The following MYO16 variants were observed in gnomAD, a reference collection of about 807,000 sequenced individuals.
The protein encoded by MYO16 is myosin XVI.
In MYO16, 94 loss-of-function variants were observed where a neutral mutation model predicts 205.3. The ratio of observed to expected loss-of-function variants is 0.46; its 90% CI spans 0.39 to 0.54. The LOEUF (loss-of-function observed/expected upper bound fraction) is 0.54. Ranked by LOEUF, MYO16 falls within the 20% of genes least tolerant of loss-of-function variation. The pLI is 0.00. For missense variants in MYO16, 2,315 were observed against 2,387.5 expected (o/e 0.97, Z 0.63); for synonymous variants, 988 against 954.0 (o/e 1.04, Z -0.66).
chr13:108,590,543 CAG>C, the MYO16 span, among the ~76,000 whole-genome samples: 1 of 152,156 alleles, frequency 6.6e-6, no homozygotes, highest in Non-Finnish European at 1.5e-5. Flanking sequence ...TATTTGGAAA[CAG>C]GGCTTTGCAG....
At chr13:109,178,315 G>A (rs899705860) in intron 33 of MYO16, among the ~76,000 whole-genome samples, 3 of 151,974 alleles carry the variant, frequency 2.0e-5, no homozygotes, top group South Asian at 2.1e-4. Flanking sequence ...GCCATTGTCC[G>A]CCCAGTCTTC....
chr13:108,741,345 G>C (rs1219468503), intron 4 of MYO16, among the ~76,000 whole-genome samples: 2 of 152,098 alleles, frequency 1.3e-5, no homozygotes. Context: ...TCCGAATGAA[G>C]ACTAACACAT....
intron 16 of MYO16, among the ~76,000 whole-genome samples, chr13:108,926,786 A>G (rs554054203): frequency 7.2e-5 from 11 of 152,324 alleles, no homozygotes; most frequent in Admixed American, 5.2e-4. Flanking sequence ...ATAAATCATC[A>G]ACAGTGAAAG....
At chr13:108,754,398 G>A (rs1469993583) in intron 4 of MYO16, among the ~76,000 whole-genome samples, 1 of 152,166 alleles carries the variant, frequency 6.6e-6, no homozygotes, top group East Asian at 1.9e-4. Context: ...CCAGCCAATG[G>A]TAAGGAATAA....
intron 33 of MYO16, among the ~76,000 whole-genome samples, chr13:109,174,706 G>A (rs992456932): frequency 6.6e-6 from 1 of 150,602 alleles, no homozygotes; most frequent in East Asian, 2.0e-4. Context: ...AAAATTCAGT[G>A]CCATACCCCC....
rs1877418251 is a variant in MYO16 at position 108,844,502 on chromosome 13, G to A, written c.1248+9G>A. On this transcript the variant is annotated intron_variant, in intron 10 of 34. Coordinates refer to ENST00000457511, the MANE Select transcript of MYO16 (RefSeq NM_001198950.3). The stretch of plus-strand genomic sequence containing the variant: ...CCACCAAACCCGAGCAGGTAATCAT[G>A]CTTTCACTGTGTGTCTACCAGTACT... 14 of 1,596,848 alleles carry A rather than the reference G, an allele frequency of 8.8e-6. No individual in the cohort carries two copies. The South Asian group carries it at 1.2e-4, about 14-fold the overall frequency.
intron 20 of MYO16, among the ~76,000 whole-genome samples, chr13:108,967,161 G>GTA (rs1303003312): frequency 6.6e-6 from 1 of 150,740 alleles, no homozygotes; most frequent in Non-Finnish European, 1.5e-5. Flanking sequence ...ATATATGTGT[G>GTA]TGTGTGTGTG....
intron 4 of MYO16, among the ~76,000 whole-genome samples, chr13:108,760,473 G>GTT (rs34136071): frequency 6.7e-6 from 1 of 148,374 alleles, no homozygotes; most frequent in African/African-American, 2.5e-5. Flanking sequence ...ATAACTTAGG[G>GTT]TTTTTTTTTT....
chr13:108,883,717 C>A (rs1879725977), intron 13 of MYO16, among the ~76,000 whole-genome samples: 1 of 151,912 alleles, frequency 6.6e-6, no homozygotes, highest in African/African-American at 2.4e-5. Context: ...TCACTGCAGC[C>A]AAGGCTCAAG....
the MYO16 span, among the ~76,000 whole-genome samples, chr13:108,561,193 G>T: frequency 6.6e-6 from 1 of 152,202 alleles, no homozygotes; most frequent in East Asian, 1.9e-4. Context: ...AAAATACATT[G>T]ATCAGGTATA....
At chr13:108,979,836 T>C (rs1328337966) in intron 20 of MYO16, among the ~76,000 whole-genome samples, 1 of 152,144 alleles carries the variant, frequency 6.6e-6, no homozygotes, top group Non-Finnish European at 1.5e-5. Context: ...CAAAGTATCA[T>C]ACAGATTATA....
At chr13:108,562,661 G>C in the MYO16 span, among the ~76,000 whole-genome samples, 1 of 152,122 alleles carries the variant, frequency 6.6e-6, no homozygotes, top group African/African-American at 2.4e-5. Context: ...GGTCAACAAT[G>C]GTGGTCCCAT....
At chr13:108,863,416 A>T (rs1439798336) in intron 11 of MYO16, among the ~76,000 whole-genome samples, 1 of 152,096 alleles carries the variant, frequency 6.6e-6, no homozygotes, top group Non-Finnish European at 1.5e-5. Flanking sequence ...TGAGCATTGG[A>T]TATTATTAAA....
chr13:108,836,254 G>C (rs1479640772), intron 9 of MYO16, among the ~76,000 whole-genome samples: 2 of 152,210 alleles, frequency 1.3e-5, no homozygotes, highest in African/African-American at 2.4e-5. Flanking sequence ...CCCAAGCCTT[G>C]GTGGAATACA....
chr13:108,549,513 T>C, the MYO16 span, among the ~76,000 whole-genome samples: 1 of 152,140 alleles, frequency 6.6e-6, no homozygotes, highest in African/African-American at 2.4e-5. Context: ...TTTGTGATAA[T>C]TTGTTACAGT....
chr13:109,157,269 A>T (rs977144443), intron 32 of MYO16, among the ~76,000 whole-genome samples: 2 of 92,004 alleles, frequency 2.2e-5, no homozygotes, highest in East Asian at 3.6e-4. Flanking sequence ...AAAAAAAAAA[A>T]CCTTATTCTT....
chr13:108,990,653 G>A (rs1216374650), intron 20 of MYO16, among the ~76,000 whole-genome samples: 2 of 151,986 alleles, frequency 1.3e-5, no homozygotes, highest in Non-Finnish European at 2.9e-5. Flanking sequence ...AGTCAATTAG[G>A]AAAATATATT....
intron 5 of MYO16, among the ~76,000 whole-genome samples, chr13:108,790,542 A>T (rs190302772): frequency 3.9e-5 from 6 of 152,328 alleles, no homozygotes; most frequent in Middle Eastern, 3.4e-3. Context: ...GAATGGACCC[A>T]TTATCCGTTA....
At chr13:108,926,998 G>T (rs1882036638) in intron 16 of MYO16, among the ~76,000 whole-genome samples, 2 of 152,128 alleles carry the variant, frequency 1.3e-5, no homozygotes, top group South Asian at 2.1e-4. Flanking sequence ...CCCTGGCACG[G>T]TGCATATCTC....
Sources: gnomAD v4.1 joint callset for allele counts (sites outside exome capture counted in the v4.1 genomes callset) on GRCh38, gnomAD v4.1.1 for gene constraint, MANE v1.5 for transcripts, NCBI Gene and HGNC (gene_info 2026-07-23, HGNC 2026-07-21) for gene names.